MAN1A1: variants seen among roughly 807,000 people sequenced by gnomAD.
The protein encoded by MAN1A1 is mannosidase alpha class 1A member 1.
MAN1A1 carries 29 observed loss-of-function variants against 70.8 expected under a neutral mutation model. The observed-to-expected ratio is 0.41, with a 90% CI of 0.31 to 0.56. The LOEUF is 0.56. MAN1A1 is among the 20% of genes least tolerant of loss of function. The pLI, the probability that MAN1A1 is intolerant of heterozygous loss-of-function variation, is 0.29. For missense variants in MAN1A1, 747 were observed against 841.3 expected (o/e 0.89, Z 1.39); for synonymous variants, 349 against 330.1 (o/e 1.06, Z -0.62).
Position 119,273,959 on chromosome 6 carries a change from G to T in MAN1A1, c.897+16724C>A, listed in dbSNP as rs182084013. On this transcript the variant is annotated intron_variant, in intron 5 of 12. Transcript: ENST00000368468. ...GGGAATTGCAACACCAAGTAGTGGG[G>T]TTGCATGAGATTGAGAACATCTGTT... is the stretch of plus-strand genomic sequence containing the variant. 1.4e-4 allele frequency among the ~76,000 whole-genome samples: 21 copies of T among 152,272 alleles called. No homozygotes were observed. The East Asian group carries it at 1.5e-3, about 11-fold the overall frequency.
At chr6:119,210,743 G>T in intron 6 of MAN1A1, 1 of 200,192 alleles carries the variant, frequency 5.0e-6, no homozygotes, top group Non-Finnish European at 1.1e-5. Flanking sequence ...AGACAAAAAT[G>T]TCTACAAAGA....
chr6:119,245,870 C>T (rs6939774), intron 6 of MAN1A1, among the ~76,000 whole-genome samples: 129,869 of 152,106 alleles, frequency 0.85, 55,748 homozygotes, highest in Non-Finnish European at 0.9. Flanking sequence ...AATTCTAATG[C>T]AAAATACTGC....
chr6:119,304,086 T>C (rs1772469047), intron 3 of MAN1A1, among the ~76,000 whole-genome samples: 1 of 133,006 alleles, frequency 7.5e-6, no homozygotes, highest in African/African-American at 2.8e-5. Flanking sequence ...TCTATAAATA[T>C]AAGTGAAAAT....
intron 6 of MAN1A1, among the ~76,000 whole-genome samples, chr6:119,207,527 C>T (rs1773902635): frequency 6.6e-6 from 1 of 152,164 alleles, no homozygotes; most frequent in African/African-American, 2.4e-5. Flanking sequence ...CATCTATCTA[C>T]CACATGCCGC....
At chr6:119,229,431 G>A (rs1774614201) in intron 6 of MAN1A1, among the ~76,000 whole-genome samples, 1 of 152,146 alleles carries the variant, frequency 6.6e-6, no homozygotes, top group African/African-American at 2.4e-5. Flanking sequence ...TTTATCTATA[G>A]AGCTGTTTTC....
chr6:119,239,554 A>G (rs533531501), intron 6 of MAN1A1, among the ~76,000 whole-genome samples: 3 of 152,326 alleles, frequency 2.0e-5, no homozygotes, highest in Admixed American at 2.0e-4. Context: ...CAAAGATTCA[A>G]TGTAGTTAGT....
intron 8 of MAN1A1, among the ~76,000 whole-genome samples, chr6:119,197,535 G>A (rs1285192813): frequency 1.3e-5 from 2 of 152,110 alleles, no homozygotes; most frequent in Non-Finnish European, 2.9e-5. Flanking sequence ...CACTCAAAGC[G>A]CTGGGGCAGG....
intron 6 of MAN1A1, among the ~76,000 whole-genome samples, chr6:119,205,708 C>T (rs1773841156): frequency 6.6e-6 from 1 of 152,228 alleles, no homozygotes; most frequent in Non-Finnish European, 1.5e-5. Flanking sequence ...CCACTTAACA[C>T]TTCAAGAAAG....
In MAN1A1 at chr6:119,348,566, G is replaced by T. The variant is rs1212097727; in HGVS notation, c.500C>A (p.Pro167Gln). The T allele has an allele frequency of 1.2e-6, 2 of 1,613,626 alleles. No homozygotes were observed. Among genetic ancestry groups the T allele is most frequent in the South Asian group, 1.1e-5 (1 of 91,014 alleles). The stretch of plus-strand genomic sequence containing the variant: ...GTCCACCGGGGGCAGGCCTCTGAAC[G>T]GCGCCTTGTCACGCAGCTGGTCCTG... ...VAQDQLRDKAPFRGLPPVDFV... is the reference protein window; with the variant it reads ...VAQDQLRDKAQFRGLPPVDFV... The change falls in exon 2 of 13, where the codon CCG (proline) becomes CAG (glutamine). Residue 167 changes from proline to glutamine, a missense_variant. Physicochemically the swap from Pro to Gln is moderately conservative, Grantham distance 76. Around this residue, in one of 2 missense-constraint regions of MAN1A1, gnomAD observed 328 missense variants for 293.1 expected, o/e 1.12. Transcript: ENST00000368468.
In MAN1A1 at chr6:119,337,577, C is replaced by T. The variant is rs117364201; in HGVS notation, c.603+10886G>A. ...ACGGACGACTGCAAAGAGCCAATGT[C>T]ATAGAAATTCTGTATTCTTGGGAGT... On this transcript the variant is annotated intron_variant, in intron 2 of 12. Transcript: ENST00000368468. Among the ~76,000 whole-genome samples, 645 of 152,308 alleles carry T rather than the reference C, an allele frequency of 4.2e-3. 5 individuals are homozygous for T. The highest frequency in any genetic ancestry group is 6.6e-3 in the Admixed American group (101 of 15,296).
chr6:119,256,781 C>A (rs968190049), intron 5 of MAN1A1, among the ~76,000 whole-genome samples: 3 of 152,086 alleles, frequency 2.0e-5, no homozygotes, highest in African/African-American at 2.4e-5. Context: ...TAAGACACTT[C>A]CTGAGGAACG....
rs900153568 is a variant in MAN1A1 at position 119,349,579 on chromosome 6, G to A, written c.-260C>T. The A allele has an allele frequency of 9.1e-6, 9 of 985,932 alleles. No homozygotes were observed. Among genetic ancestry groups the A allele is most frequent in the Non-Finnish European group, 9.6e-6 (8 of 830,138 alleles). The allele number at this position is 985,932 out of a possible 1,614,324, so 61.1% of individuals were successfully genotyped here. ...GGGGCGCAGCGTGGGCGGGAGACTCGTCAACTTCGCCCGCTCCCCATCTCC... is the reference window on the plus strand; with the variant it reads ...GGGGCGCAGCGTGGGCGGGAGACTCATCAACTTCGCCCGCTCCCCATCTCC... On this transcript the variant is annotated 5_prime_UTR_variant, in exon 1 of 13. It adds an upstream start codon to the 5' untranslated region. Transcript: ENST00000368468.
chr6:119,349,440 G>A, intron 1 of MAN1A1, 102 bp downstream of exon 1: 2 of 918,304 alleles, frequency 2.2e-6, no homozygotes, highest in Non-Finnish European at 2.6e-6. Flanking sequence ...CCCACTCTCT[G>A]GACTTGGGGT....
intron 2 of MAN1A1, among the ~76,000 whole-genome samples, chr6:119,317,051 T>C (rs562027129): frequency 6.6e-6 from 1 of 152,136 alleles, no homozygotes; most frequent in East Asian, 1.9e-4. Context: ...CTTTTATCCT[T>C]TCTTTTGTGT....
chr6:119,188,704 C>T (rs1279635834), intron 10 of MAN1A1, 127 bp from the exon 11 acceptor site: 6 of 844,318 alleles, frequency 7.1e-6, no homozygotes, highest in African/African-American at 6.9e-5. Flanking sequence ...CAGGACCCTC[C>T]GAGGATAACA....
At chr6:119,273,521 G>A (rs1562220575) in intron 5 of MAN1A1, among the ~76,000 whole-genome samples, 1 of 152,066 alleles carries the variant, frequency 6.6e-6, no homozygotes, top group Non-Finnish European at 1.5e-5. Context: ...GAATATTTGA[G>A]ATGTTTCTTC....
At chr6:119,278,858 C>T (rs1313727250) in intron 5 of MAN1A1, among the ~76,000 whole-genome samples, 1 of 152,128 alleles carries the variant, frequency 6.6e-6, no homozygotes, top group Admixed American at 6.5e-5. Context: ...CATGCCTGCT[C>T]CCCCACTGCC....
At chr6:119,268,152 T>C (rs1775810748) in intron 5 of MAN1A1, among the ~76,000 whole-genome samples, 1 of 152,232 alleles carries the variant, frequency 6.6e-6, no homozygotes, top group African/African-American at 2.4e-5. Flanking sequence ...ACTTTTATCA[T>C]TTCACTTTCA....
chr6:119,224,070 G>C (rs1217295687), intron 6 of MAN1A1, among the ~76,000 whole-genome samples: 2 of 152,106 alleles, frequency 1.3e-5, no homozygotes, highest in East Asian at 1.9e-4. Flanking sequence ...GAAAGATCAG[G>C]GTGGAATCCT....
Sources: gnomAD v4.1 joint callset for allele counts (sites outside exome capture counted in the v4.1 genomes callset) on GRCh38, gnomAD v4.1.1 for gene constraint, gnomAD v4.1.1 regional missense constraint, MANE v1.5 for transcripts, NCBI Gene and HGNC (gene_info 2026-07-23, HGNC 2026-07-21) for gene names.